Variants in WDFY3 observed in about 807,000 individuals in gnomAD.
WDFY3 encodes WD repeat and FYVE domain-containing protein 3.
A neutral mutation model predicts 409.6 loss-of-function variants in WDFY3; 66 were observed. That is an observed-to-expected ratio of 0.16 (90% confidence interval 0.13 to 0.20). WDFY3 has a LOEUF of 0.20. Ranked by LOEUF, WDFY3 falls within the 10% of genes least tolerant of loss-of-function variation. The probability of loss-of-function intolerance (pLI) is 1.00; values close to 1 mark genes in which losing one functional copy is unlikely to be tolerated. For synonymous variants in WDFY3, 1,521 were observed against 1,537.1 expected (o/e 0.99, Z 0.25); for missense variants, 3,031 against 4,298.1 (o/e 0.71, Z 8.24).
At chr4:84,758,357 C>T (rs561998842) in intron 32 of WDFY3, among the ~76,000 whole-genome samples, 1 of 152,078 alleles carries the variant, frequency 6.6e-6, no homozygotes, top group Non-Finnish European at 1.5e-5. Flanking sequence ...AGGATCCTCC[C>T]GCCTCAGCTT....
intron 1 of WDFY3, among the ~76,000 whole-genome samples, chr4:84,932,976 G>A (rs571030467): frequency 6.6e-6 from 1 of 152,200 alleles, no homozygotes; most frequent in South Asian, 2.1e-4. Flanking sequence ...TGAATCATGA[G>A]ATCTAGTTTC....
At chr4:84,712,288 G>A (rs557829176) in intron 51 of WDFY3, among the ~76,000 whole-genome samples, 77 of 150,808 alleles carry the variant, frequency 5.1e-4, no homozygotes, top group African/African-American at 1.8e-3. Context: ...CTTGAGCCCA[G>A]GAGGCAGAGG....
intron 23 of WDFY3, 58 bp from the exon 24 acceptor site, chr4:84,786,197 T>G: frequency 6.7e-7 from 1 of 1,483,232 alleles, no homozygotes; most frequent in Non-Finnish European, 9.0e-7. Flanking sequence ...TTAAAGTAAG[T>G]TTTTTATTCT....
Position 84,801,668 on chromosome 4 carries a change from A to G in WDFY3, c.2804T>C (p.Leu935Pro). ...RMFERLASQALEPMVLREFLR... is the reference protein window; with the variant it reads ...RMFERLASQAPEPMVLREFLR... Reference sequence around the variant, plus strand: ...AACTTACCTCAACACCATGGGTTCCAGAGCCTGAGAGGCTAATCGTTCAAA... The same window carrying G: ...AACTTACCTCAACACCATGGGTTCCGGAGCCTGAGAGGCTAATCGTTCAAA... The change falls in exon 17 of 68, where the codon CTG becomes CCG. Residue 935 changes from leucine (L) to proline (P), a missense_variant. Leu to Pro is a moderately conservative substitution (Grantham distance 98, BLOSUM62 -3). This residue lies in a region of WDFY3 where 1,322 missense variants were observed against 1,697.9 expected (regional missense o/e 0.78). Coordinates refer to ENST00000295888, the MANE Select transcript of WDFY3 (RefSeq NM_014991.6). The G allele has an allele frequency of 6.2e-7, 1 of 1,610,782 alleles. No individual in the cohort carries two copies. The highest frequency in any genetic ancestry group is 8.5e-7 in the Non-Finnish European group (1 of 1,178,794).
intron 13 of WDFY3, among the ~76,000 whole-genome samples, chr4:84,811,703 A>T (rs1365191024): frequency 6.6e-6 from 1 of 152,162 alleles, no homozygotes; most frequent in Non-Finnish European, 1.5e-5. Flanking sequence ...CTGTCCAATC[A>T]TCGCATTTGA....
chr4:84,906,868 A>T (rs569064690), intron 2 of WDFY3, among the ~76,000 whole-genome samples: 1 of 151,994 alleles, frequency 6.6e-6, no homozygotes, highest in South Asian at 2.1e-4. Context: ...TGGCCCAGGG[A>T]AGCCCAAAGA....
At chr4:84,843,140 A>G (rs754593691) in intron 5 of WDFY3, among the ~76,000 whole-genome samples, 1 of 152,226 alleles carries the variant, frequency 6.6e-6, no homozygotes, top group Non-Finnish European at 1.5e-5. Flanking sequence ...TTACAATAGT[A>G]TAAGTTGAGA....
At chr4:84,779,150 ACTGGTATAT>A (rs1225970442) in intron 26 of WDFY3, among the ~76,000 whole-genome samples, 2 of 152,150 alleles carry the variant, frequency 1.3e-5, no homozygotes, top group Non-Finnish European at 2.9e-5. Flanking sequence ...TTCTCTTATT[ACTGGTATAT>A]CTAGATTGTT....
At chr4:84,743,912 TTTGTTTTAAATGCCATGA>T in intron 36 of WDFY3, 113 bp from the exon 37 acceptor site, 1 of 625,380 alleles carries the variant, frequency 1.6e-6, no homozygotes, top group Non-Finnish European at 2.3e-6. Context: ...TACTAATAAA[TTTGTTTTAAATGCCATGA>T]GAGATGGTAT....
intron 12 of WDFY3, among the ~76,000 whole-genome samples, chr4:84,819,180 A>G (rs940839390): frequency 1.3e-5 from 2 of 152,026 alleles, no homozygotes; most frequent in African/African-American, 4.8e-5. Context: ...ATTTTTCTTC[A>G]CTAGATTCTA....
chr4:84,908,291 G>A (rs886185134), intron 2 of WDFY3, among the ~76,000 whole-genome samples: 5 of 152,084 alleles, frequency 3.3e-5, no homozygotes, highest in African/African-American at 1.2e-4. Context: ...AAGTAAAAAA[G>A]CAGTAGACAG....
chr4:84,831,583 A>G lies in WDFY3; in HGVS notation c.599T>C (p.Phe200Ser). Residue 200 changes from phenylalanine (F) to serine (S), a missense_variant, in exon 8 of 68, where the codon TTT becomes TCT. This residue lies in a region of WDFY3 where 1,322 missense variants were observed against 1,697.9 expected (regional missense o/e 0.78). Coordinates refer to ENST00000295888, the MANE Select transcript of WDFY3 (RefSeq NM_014991.6). ...FVQILVKLCS[F>S]VSPAEELAQK... ...AGCCAGCTCCTCCGCAGGGGAAACA[A>G]AACTGCACAGTTTCACTAAGATCTA... 1.2e-6 allele frequency: 2 copies of G among 1,613,050 alleles called. No homozygotes were observed. Among genetic ancestry groups the G allele is most frequent in the Non-Finnish European group, 1.7e-6 (2 of 1,179,456 alleles).
In WDFY3 at chr4:84,687,973, A is replaced by G. The variant is rs1728612642; in HGVS notation, c.9543+113T>C. 2.7e-6 allele frequency: 3 copies of G among 1,123,510 alleles called. No individual in the cohort carries two copies. In the African/African-American group the frequency reaches 4.7e-5, roughly 18 times the overall value. The allele number at this position is 1,123,510 out of a possible 1,614,324, so 69.6% of individuals were successfully genotyped here. Reference sequence around the variant, plus strand: ...TGGGCTCAACTAATCCTCCTGCGGTAGCCTCCTGAGCAGCTGCAACTCAGA... The same window carrying G: ...TGGGCTCAACTAATCCTCCTGCGGTGGCCTCCTGAGCAGCTGCAACTCAGA... On this transcript the variant is annotated intron_variant, in intron 62 of 67. Transcript: ENST00000295888.
At chr4:84,959,949 A>T (rs1774712305) in intron 1 of WDFY3, among the ~76,000 whole-genome samples, 1 of 152,242 alleles carries the variant, frequency 6.6e-6, no homozygotes, top group Non-Finnish European at 1.5e-5. Flanking sequence ...AACGCTTCTT[A>T]CAAGATCTGG....
intron 11 of WDFY3, 135 bp downstream of exon 11, chr4:84,820,949 A>G (rs1753966785): frequency 1.1e-6 from 1 of 899,914 alleles, no homozygotes; most frequent in Admixed American, 3.0e-5. Flanking sequence ...TGGAAAATAC[A>G]GTTCACTAAT....
intron 10 of WDFY3, among the ~76,000 whole-genome samples, chr4:84,826,307 T>G (rs1754855959): frequency 6.6e-6 from 1 of 152,224 alleles, no homozygotes; most frequent in Admixed American, 6.5e-5. Context: ...CTAGAGATTA[T>G]TTATTTAAAG....
intron 1 of WDFY3, among the ~76,000 whole-genome samples, chr4:84,965,009 A>G (rs1436117721): frequency 6.6e-6 from 1 of 152,188 alleles, no homozygotes; most frequent in African/African-American, 2.4e-5. Flanking sequence ...AAACATACCA[A>G]CCTAATTCCT....
In WDFY3 at chr4:84,705,956, A is replaced by G. The variant is rs767991399; in HGVS notation, c.8218-445T>C. Among the ~76,000 whole-genome samples, 83 of 151,346 alleles carry G rather than the reference A, an allele frequency of 5.5e-4. 1 individual carries two copies. Among genetic ancestry groups the G allele is most frequent in the Non-Finnish European group, 1.0e-3 (70 of 67,878 alleles). On this transcript the variant is annotated intron_variant, in intron 53 of 67. Transcript: ENST00000295888. ...TCCACCCCCGCCCTGTCTCCCTCCA[A>G]CGTTACTTCTGAGCATTTTCTTCTC...
Position 84,803,367 on chromosome 4 carries a change from C to T in WDFY3, c.2530G>A (p.Ala844Thr), listed in dbSNP as rs780984413. 3.7e-6 allele frequency: 6 copies of T among 1,614,096 alleles called. No homozygotes were observed. The South Asian group carries it at 6.6e-5, about 18-fold the overall frequency. The stretch of plus-strand genomic sequence containing the variant: ...ATGGCTCCAGGATGAATGATGACTG[C>T]ATCAGAACTCTGCAGAGATGAAGTT... ...VTTSSLQSSDAVIIHPGAMLA... is the reference protein window; with the variant it reads ...VTTSSLQSSDTVIIHPGAMLA... The change falls in exon 16 of 68, where the codon GCA (alanine) becomes ACA (threonine). Residue 844 changes from alanine (A) to threonine (T), a missense_variant. Physicochemically the swap from Ala to Thr is moderately conservative, Grantham distance 58. Around this residue, in one of 16 missense-constraint regions of WDFY3, gnomAD observed 1,322 missense variants for 1,697.9 expected, o/e 0.78. Transcript: ENST00000295888.
Sources: gnomAD v4.1 joint callset for allele counts (sites outside exome capture counted in the v4.1 genomes callset) on GRCh38, gnomAD v4.1.1 for gene constraint, gnomAD v4.1.1 regional missense constraint, MANE v1.5 for transcripts, NCBI Gene and HGNC (gene_info 2026-07-23, HGNC 2026-07-21) for gene names.